Variants in ZGRF1 observed in about 807,000 individuals in gnomAD.
ZGRF1 encodes the protein 5'-3' DNA helicase ZGRF1.
Under a neutral mutation model 203.5 loss-of-function variants are expected in ZGRF1, and 196 were observed. The ratio of observed to expected loss-of-function variants is 0.96; its 90% CI spans 0.86 to 1.08. The LOEUF (loss-of-function observed/expected upper bound fraction) is 1.08, where lower values mean the gene tolerates loss of function less well. Ranked by LOEUF, ZGRF1 falls within the 50% of genes least tolerant of loss-of-function variation. ZGRF1 has a pLI of 0.00. For synonymous variants in ZGRF1, 809 were observed against 841.3 expected (o/e 0.96, Z 0.66); for missense variants, 2,326 against 2,416.3 (o/e 0.96, Z 0.78).
At chr4:112,616,559 A>C (rs1263246710) in intron 6 of ZGRF1, among the ~76,000 whole-genome samples, 3 of 146,958 alleles carry the variant, frequency 2.0e-5, no homozygotes, top group Non-Finnish European at 4.5e-5. Context: ...ATTATGGGCC[A>C]GGAGTGGTGG....
chr4:112,592,252 C>T (rs1409893756), intron 10 of ZGRF1, among the ~76,000 whole-genome samples: 1 of 151,942 alleles, frequency 6.6e-6, no homozygotes, highest in East Asian at 1.9e-4. Context: ...CGTGTGCCAC[C>T]ACCCCAGGCT....
chr4:112,611,866 C>A (rs1249731857), intron 7 of ZGRF1, among the ~76,000 whole-genome samples: 1 of 152,080 alleles, frequency 6.6e-6, no homozygotes, highest in Non-Finnish European at 1.5e-5. Flanking sequence ...AGAAAATCAA[C>A]GTGTAACAAG....
chr4:112,633,711 A>C lies in ZGRF1; in HGVS notation c.-66-469T>G, dbSNP rs1383394838. ...TACCTCTACAAGGAAAAATCTTTCC[A>C]ACACTGTTGCAACAGTTACTGTAGT... On this transcript the variant is annotated intron_variant, in intron 1 of 27. Coordinates refer to ENST00000505019, the MANE Select transcript of ZGRF1 (RefSeq NM_018392.5). Among the ~76,000 whole-genome samples the C allele has an allele frequency of 2.6e-5, 4 of 152,274 alleles. No homozygotes were observed. In the South Asian group the frequency reaches 8.3e-4, roughly 31 times the overall value.
chr4:112,564,714 A>G (rs1742678808), intron 16 of ZGRF1, among the ~76,000 whole-genome samples: 2 of 151,748 alleles, frequency 1.3e-5, no homozygotes, highest in Admixed American at 1.3e-4. Flanking sequence ...TGGCTTGGAG[A>G]TTTTTAATTT....
Position 112,620,126 on chromosome 4 carries a change from G to A in ZGRF1, c.227C>T (p.Ala76Val). The A allele has an allele frequency of 1.2e-6, 2 of 1,613,396 alleles. No individual in the cohort carries two copies. Among genetic ancestry groups the A allele is most frequent in the Non-Finnish European group, 8.5e-7 (1 of 1,179,638 alleles). The change falls in exon 5 of 28, where the codon GCT becomes GTT. Residue 76 changes from alanine (A) to valine (V), a missense_variant. Transcript: ENST00000505019. The stretch of plus-strand genomic sequence containing the variant: ...CTGCTTAACAATACCTATGGCTCCA[G>A]CAACTTTAACCTCTTCAACTGTGAT... Reference protein sequence around the residue: ...YLITVEEVKVAGAIGIVKQNV... With the variant: ...YLITVEEVKVVGAIGIVKQNV...
At chr4:112,565,312 A>G (rs1231202741) in intron 16 of ZGRF1, 44 of 1,459,436 alleles carry the variant, frequency 3.0e-5, no homozygotes, top group Non-Finnish European at 4.2e-5. Context: ...TGAAGACACC[A>G]ACCTGTGTGC....
intron 9 of ZGRF1, among the ~76,000 whole-genome samples, chr4:112,604,200 G>A (rs1404171119): frequency 6.6e-6 from 1 of 150,774 alleles, no homozygotes; most frequent in Non-Finnish European, 1.5e-5. Flanking sequence ...CTCCAGCCTG[G>A]GTGACATAGA....
intron 11 of ZGRF1, among the ~76,000 whole-genome samples, chr4:112,589,291 G>C (rs991472577): frequency 2.6e-5 from 4 of 152,136 alleles, no homozygotes; most frequent in Non-Finnish European, 5.9e-5. Flanking sequence ...ATGCAAGGGT[G>C]GTAGCAGCAG....
chr4:112,584,043 C>T lies in ZGRF1; in HGVS notation c.4233G>A (p.Lys1411=). 6.2e-7 allele frequency: 1 copy of T among 1,613,492 alleles called. No homozygotes were observed. Among genetic ancestry groups the T allele is most frequent in the Non-Finnish European group, 8.5e-7 (1 of 1,179,676 alleles). ...GACTTCTTAAATATAAGCCAATACT[C>T]TTAATATCACTTAAAACCATGCCAG... ...ARPGMVLSDI[K]SIGLYLRSQK... The change falls in exon 15 of 28, where the codon AAG becomes AAA. Residue 1411 remains lysine (K), a synonymous_variant. Transcript: ENST00000505019.
rs561564954 is a variant in ZGRF1 at position 112,631,521 on chromosome 4, A to T, written c.102+409T>A. On this transcript the variant is annotated intron_variant, in intron 3 of 27. Coordinates refer to ENST00000505019, the MANE Select transcript of ZGRF1 (RefSeq NM_018392.5). ...CCCGTCTCTACTAAAAATACAAAAA[A>T]ATTAGTCAGGCATGGTGTCGGGTGC... is the stretch of plus-strand genomic sequence containing the variant. 1.8e-4 allele frequency among the ~76,000 whole-genome samples: 28 copies of T among 152,078 alleles called. 2 individuals are homozygous for T. In the South Asian group the frequency reaches 5.2e-3, roughly 28 times the overall value.
Position 112,560,743 on chromosome 4 carries a change from T to C in ZGRF1, c.4950A>G (p.Thr1650=). The change falls in exon 19 of 28, where the codon ACA becomes ACG. Residue 1650 remains threonine, a synonymous_variant. Coordinates refer to ENST00000505019, the MANE Select transcript of ZGRF1 (RefSeq NM_018392.5). ...KELQTHTFPI[T]IIHGVFGAGK... Reference sequence around the variant, plus strand: ...TTTCTTGCTTCTTACCATGTATGATTGTGATAGGGAAGGTATGAGTTTGCA... The same window carrying C: ...TTTCTTGCTTCTTACCATGTATGATCGTGATAGGGAAGGTATGAGTTTGCA... The C allele has an allele frequency of 6.3e-7, 1 of 1,585,526 alleles. No individual in the cohort carries two copies.
intron 18 of ZGRF1, chr4:112,561,254 T>G: frequency 2.4e-6 from 1 of 420,848 alleles, no homozygotes. Context: ...GATGAAATCT[T>G]CACAACAACA....
intron 20 of ZGRF1, 134 bp downstream of exon 20, chr4:112,558,016 C>G (rs1201617889): frequency 8.4e-6 from 6 of 716,988 alleles, no homozygotes; most frequent in Non-Finnish European, 1.4e-5. Flanking sequence ...ATGCTGGCTT[C>G]TGGGTCAGAG....
At chr4:112,550,927 C>T (rs534600352) in intron 22 of ZGRF1, among the ~76,000 whole-genome samples, 1 of 152,290 alleles carries the variant, frequency 6.6e-6, no homozygotes, top group Non-Finnish European at 1.5e-5. Context: ...TCACCACCCA[C>T]TCACTGACTC....
intron 24 of ZGRF1, chr4:112,546,982 T>C: frequency 5.3e-6 from 1 of 187,364 alleles, no homozygotes; most frequent in Non-Finnish European, 1.1e-5. Flanking sequence ...TAAAAATTAT[T>C]TACAATGTGA....
intron 4 of ZGRF1, among the ~76,000 whole-genome samples, chr4:112,622,241 A>G (rs1348136115): frequency 6.6e-6 from 1 of 151,678 alleles, no homozygotes; most frequent in Non-Finnish European, 1.5e-5. Flanking sequence ...GTACTAGACT[A>G]TGTGCGGTGG....
intron 1 of ZGRF1, among the ~76,000 whole-genome samples, chr4:112,634,403 A>C (rs887504363): frequency 1.3e-5 from 2 of 152,212 alleles, no homozygotes; most frequent in Non-Finnish European, 2.9e-5. Context: ...TGATCCCAGC[A>C]CTTTGGGAGG....
chr4:112,600,822 C>G (rs375772531), intron 10 of ZGRF1, among the ~76,000 whole-genome samples: 1 of 152,126 alleles, frequency 6.6e-6, no homozygotes, highest in South Asian at 2.1e-4. Flanking sequence ...ATGTGCCTGC[C>G]CTTTTGACCT....
chr4:112,598,048 T>C (rs921420667), intron 10 of ZGRF1, among the ~76,000 whole-genome samples: 5 of 152,044 alleles, frequency 3.3e-5, no homozygotes, highest in East Asian at 1.9e-4. Context: ...TCCCTTTCTT[T>C]GGAGGTATTC....
Sources: allele counts gnomAD v4.1 joint callset (sites outside exome capture counted in the v4.1 genomes callset), GRCh38; gene constraint gnomAD v4.1.1; transcripts MANE v1.5; gene names NCBI Gene and HGNC (gene_info 2026-07-23, HGNC 2026-07-21).